The following AHI1 variants were observed in gnomAD, a reference collection of about 807,000 sequenced individuals.
The protein encoded by AHI1 is Abelson helper integration site 1, also known as jouberin.
AHI1 carries 123 observed loss-of-function variants against 149.3 expected under a neutral mutation model. That is an observed-to-expected ratio of 0.82 (90% CI 0.71 to 0.96). AHI1 has a LOEUF of 0.96. Among genes scored for constraint, AHI1 ranks in the 40% least tolerant of loss-of-function variants. The probability of loss-of-function intolerance (pLI) is 0.00; values close to 1 mark genes in which losing one functional copy is unlikely to be tolerated. For synonymous variants in AHI1, 475 were observed against 459.8 expected, an observed-to-expected ratio of 1.03 and a Z score of -0.42; for missense variants, 1,439 against 1,422.7, an observed-to-expected ratio of 1.01 and a Z score of -0.18.
chr6:135,467,266 T>C (rs552489243), intron 6 of AHI1, among the ~76,000 whole-genome samples: 3 of 151,988 alleles, frequency 2.0e-5, no homozygotes, highest in African/African-American at 7.2e-5. Flanking sequence ...TAACAAACAC[T>C]AAAGGAAGGT....
chr6:135,491,381 G>A (rs1015662208), intron 4 of AHI1, among the ~76,000 whole-genome samples: 2 of 151,986 alleles, frequency 1.3e-5, no homozygotes, highest in African/African-American at 2.4e-5. Flanking sequence ...TAGCTCCTCC[G>A]TCACAGCAAG....
chr6:135,353,897 A>G (rs1792549468), intron 24 of AHI1, among the ~76,000 whole-genome samples: 1 of 152,152 alleles, frequency 6.6e-6, no homozygotes, highest in South Asian at 2.1e-4. Flanking sequence ...GTAACTGCAG[A>G]AGGAATAAAT....
chr6:135,302,133 A>G (rs1783955023), intron 26 of AHI1: 1 of 984,574 alleles, frequency 1.0e-6, no homozygotes, highest in Non-Finnish European at 1.2e-6. Flanking sequence ...CTGGGATTAC[A>G]GGTGTGCGCC....
rs1323210459 is a variant in AHI1, at chr6:135,438,436, C to G, written c.1975G>C (p.Asp659His). 3.2e-6 allele frequency: 5 copies of G among 1,562,490 alleles called. No individual in the cohort carries two copies. The highest frequency in any genetic ancestry group is 3.5e-6 in the Non-Finnish European group (4 of 1,151,570). Residue 659 changes from aspartate to histidine, a missense_variant, in exon 15 of 29, where the codon GAT becomes CAT. Coordinates refer to ENST00000265602, the MANE Select transcript of AHI1 (RefSeq NM_001134831.2). ...ELCGHLNIIYDLSWSKDDHYI... is the reference protein window; with the variant it reads ...ELCGHLNIIYHLSWSKDDHYI... ...TGATCATCTTTTGACCAGGAAAGAT[C>G]ATAAATGATATTGAGGTGGCCACAC...
intron 23 of AHI1, among the ~76,000 whole-genome samples, chr6:135,370,303 C>T (rs1287133340): frequency 1.3e-5 from 2 of 152,088 alleles, no homozygotes; most frequent in Non-Finnish European, 2.9e-5. Flanking sequence ...TGAGTTATTC[C>T]TTCTAGGGGG....
chr6:135,402,268 T>C (rs1780121216), intron 22 of AHI1, among the ~76,000 whole-genome samples: 1 of 152,064 alleles, frequency 6.6e-6, no homozygotes, highest in African/African-American at 2.4e-5. Flanking sequence ...TGGGAGTTCT[T>C]CAAAGTGTCA....
chr6:135,322,634 T>C (rs1787039791), intron 25 of AHI1, among the ~76,000 whole-genome samples: 1 of 152,248 alleles, frequency 6.6e-6, no homozygotes, highest in African/African-American at 2.4e-5. Context: ...TAAATAATTG[T>C]CATTTATCAA....
chr6:135,408,342 C>T (rs1190309302), intron 21 of AHI1, among the ~76,000 whole-genome samples: 2 of 151,986 alleles, frequency 1.3e-5, no homozygotes, highest in East Asian at 3.8e-4. Flanking sequence ...TTCTCTTCAT[C>T]TTTAAAGCTC....
At chr6:135,375,738 G>C (rs1327135052) in intron 23 of AHI1, among the ~76,000 whole-genome samples, 2 of 152,180 alleles carry the variant, frequency 1.3e-5, no homozygotes, top group African/African-American at 4.8e-5. Context: ...ATATTTTCAA[G>C]TTATGTTCAC....
chr6:135,412,601 G>A (rs899064440), intron 20 of AHI1, among the ~76,000 whole-genome samples: 2 of 152,128 alleles, frequency 1.3e-5, no homozygotes, highest in African/African-American at 4.8e-5. Context: ...GCTGCACTTT[G>A]TATTTTTTGG....
intron 21 of AHI1, among the ~76,000 whole-genome samples, chr6:135,406,131 C>T (rs146167885): frequency 6.6e-6 from 1 of 152,106 alleles, no homozygotes; most frequent in African/African-American, 2.4e-5. Context: ...CACAGCAATA[C>T]CTAAAAGCAT....
At chr6:135,497,329 T>C (rs763012690) in intron 1 of AHI1, 80 bp from the exon 2 acceptor site, 4 of 152,278 alleles carry the variant, frequency 2.6e-5, no homozygotes, top group Non-Finnish European at 4.4e-5. Context: ...AAGGCAAAGA[T>C]TGAATTCTCT....
At chr6:135,393,508 T>A (rs1180669141) in intron 23 of AHI1, among the ~76,000 whole-genome samples, 14 of 152,076 alleles carry the variant, frequency 9.2e-5, no homozygotes, top group Admixed American at 9.2e-4. Flanking sequence ...CCAAGCCAAG[T>A]ATCTATTTAG....
intron 5 of AHI1, among the ~76,000 whole-genome samples, chr6:135,487,323 A>T (rs1794625555): frequency 6.6e-6 from 1 of 152,166 alleles, no homozygotes; most frequent in Admixed American, 6.5e-5. Flanking sequence ...GACAAGAGTA[A>T]TGGTTACGTG....
At chr6:135,429,670 T>C (rs551746049) in intron 18 of AHI1, among the ~76,000 whole-genome samples, 10 of 151,638 alleles carry the variant, frequency 6.6e-5, no homozygotes, top group African/African-American at 2.4e-4. Context: ...GACTGTCCTA[T>C]GGGCTGTAGG....
chr6:135,461,039 C>T (rs1453269298), intron 8 of AHI1, among the ~76,000 whole-genome samples: 1 of 150,810 alleles, frequency 6.6e-6, no homozygotes, highest in Non-Finnish European at 1.5e-5. Context: ...ACAGCACTTA[C>T]CATCAAAGGA....
chr6:135,456,544 C>CAAA (rs776119975), intron 9 of AHI1, among the ~76,000 whole-genome samples: 1 of 84,810 alleles, frequency 1.2e-5, no homozygotes, highest in African/African-American at 3.7e-5. Context: ...GATATTGTCT[C>CAAA]AAAAAAAAAA....
intron 3 of AHI1, among the ~76,000 whole-genome samples, chr6:135,494,419 C>G (rs567521533): frequency 6.6e-6 from 1 of 152,218 alleles, no homozygotes; most frequent in African/African-American, 2.4e-5. Context: ...CTACAAGCAT[C>G]AGCTCCATTT....
At chr6:135,490,993 T>A (rs1446656526) in intron 4 of AHI1, among the ~76,000 whole-genome samples, 1 of 152,190 alleles carries the variant, frequency 6.6e-6, no homozygotes, top group Non-Finnish European at 1.5e-5. Context: ...TAAGTTAACT[T>A]TTTATTTCTG....
Sources: gnomAD v4.1 joint callset for allele counts (sites outside exome capture counted in the v4.1 genomes callset) on GRCh38, gnomAD v4.1.1 for gene constraint, MANE v1.5 for transcripts, NCBI Gene and HGNC (gene_info 2026-07-23, HGNC 2026-07-21) for gene names.